IPO8: variants seen among roughly 807,000 people sequenced by gnomAD.
IPO8 encodes the protein importin-8.
A neutral mutation model predicts 141.2 loss-of-function variants in IPO8; 65 were observed. The observed-to-expected ratio is 0.46, with a 90% CI of 0.38 to 0.57. The LOEUF (loss-of-function observed/expected upper bound fraction) is 0.57, where lower values mean the gene tolerates loss of function less well. Ranked by LOEUF, IPO8 falls within the 20% of genes least tolerant of loss-of-function variation. The pLI, the probability that IPO8 is intolerant of heterozygous loss-of-function variation, is 0.00. For synonymous variants in IPO8, 411 were observed against 420.3 expected (o/e 0.98, Z 0.27); for missense variants, 980 against 1,246.8 (o/e 0.79, Z 3.22).
In IPO8 at chr12:30,695,417, C is replaced by T. The variant is rs2053329266; in HGVS notation, c.84+147G>A. The T allele has an allele frequency of 1.5e-6, 1 of 647,632 alleles. No homozygotes were observed. The highest frequency in any genetic ancestry group is 2.7e-6 in the Non-Finnish European group (1 of 369,186). The allele number at this position is 647,632 out of a possible 1,614,324, so 40.1% of individuals were successfully genotyped here. A position where few individuals can be genotyped will look rare whatever the true frequency, so the allele number is the denominator to read the frequency against. On this transcript the variant is annotated intron_variant, in intron 1 of 24. Coordinates refer to ENST00000256079, the MANE Select transcript of IPO8 (RefSeq NM_006390.4). The surrounding 1 kb of genome is among the most constrained non-coding windows in gnomAD (Gnocchi z 4.2). ...AGCCCTGCTCCACTGGACCGGGGGG[C>T]AGCGGGGTCGGAGAGCGGGACCAGC...
intron 24 of IPO8, among the ~76,000 whole-genome samples, chr12:30,631,392 C>A (rs766827530): frequency 4.1e-4 from 62 of 152,174 alleles, no homozygotes; most frequent in Non-Finnish European, 6.6e-4. Flanking sequence ...TTTCCAATGA[C>A]AATCTACAAG....
At chr12:30,638,747 A>ATTT (rs2052536077) in intron 21 of IPO8, among the ~76,000 whole-genome samples, 1 of 152,028 alleles carries the variant, frequency 6.6e-6, no homozygotes. Flanking sequence ...GCTCACTGCA[A>ATTT]GCTCCGCCTC....
chr12:30,669,397 G>A, intron 9 of IPO8, 115 bp from the exon 10 acceptor site: 1 of 512,054 alleles, frequency 2.0e-6, no homozygotes. Context: ...CAAACTCTGT[G>A]TGTGTGTAAA....
chr12:30,682,066 T>TA (rs1017811921), intron 3 of IPO8, among the ~76,000 whole-genome samples: 1 of 152,128 alleles, frequency 6.6e-6, no homozygotes, highest in Admixed American at 6.6e-5. Flanking sequence ...AAATACAGTT[T>TA]AAAAAAATTG....
At chr12:30,688,720 TA>T (rs1212742983) in intron 2 of IPO8, 1 of 167,594 alleles carries the variant, frequency 6.0e-6, no homozygotes, top group Non-Finnish European at 1.3e-5. Context: ...CATTAAGTTG[TA>T]CAGAGTTGGT....
intron 20 of IPO8, among the ~76,000 whole-genome samples, chr12:30,645,955 T>C (rs10771749): frequency 0.35 from 52,979 of 151,660 alleles, 10,873 homozygotes; most frequent in African/African-American, 0.57. Flanking sequence ...AGAAGAGCAA[T>C]TCTTCACAAC....
chr12:30,669,480 C>A (rs7955574), intron 9 of IPO8, among the ~76,000 whole-genome samples, 198 bp from the exon 10 acceptor site: 3,965 of 151,780 alleles, frequency 0.026, 165 homozygotes, highest in African/African-American at 0.09. Flanking sequence ...CATTTTAGTC[C>A]TAAATGTCCA....
intron 17 of IPO8, among the ~76,000 whole-genome samples, chr12:30,656,385 C>T (rs73077870): frequency 0.059 from 8,980 of 152,200 alleles, 353 homozygotes; most frequent in Middle Eastern, 0.12. Flanking sequence ...ATTTTTCAAT[C>T]CCAGATTAAG....
Position 30,656,672 on chromosome 12 carries a change from C to A in IPO8, c.1948+12G>T. The A allele has an allele frequency of 6.6e-7, 1 of 1,504,828 alleles. No individual in the cohort carries two copies. Among genetic ancestry groups the A allele is most frequent in the East Asian group, 2.4e-5 (1 of 41,714 alleles). 93.2% of individuals were successfully genotyped at this position (1,504,828 alleles called of 1,614,324 possible). ...TTTTCAATTTATCTTTTTATTTAAC[C>A]TTTGAACTTACCAATTACATGTTTC... On this transcript the variant is annotated intron_variant, in intron 17 of 24. Coordinates refer to ENST00000256079, the MANE Select transcript of IPO8 (RefSeq NM_006390.4).
At chr12:30,689,033 T>C (rs2053267853) in intron 2 of IPO8, among the ~76,000 whole-genome samples, 2 of 152,014 alleles carry the variant, frequency 1.3e-5, no homozygotes, top group African/African-American at 4.8e-5. Context: ...ACAGCTGTTA[T>C]AAAGAATGAA....
chr12:30,658,876 C>CTTT lies in IPO8; in HGVS notation c.1882-2129_1882-2127dup, dbSNP rs11337753. On this transcript the variant is annotated intron_variant, in intron 16 of 24. Transcript: ENST00000256079. ...AGACTAGTCCAGAAGAGTATCAAGCCTTTTTTTTTTTTTTTTTTTTTGGAG... is the reference window on the plus strand; with the variant it reads ...AGACTAGTCCAGAAGAGTATCAAGCCTTTTTTTTTTTTTTTTTTTTTTTTGGAG... 1.8e-3 allele frequency among the ~76,000 whole-genome samples: 159 copies of CTTT among 90,198 alleles called. 3 individuals are homozygous for CTTT. The highest frequency in any genetic ancestry group is 3.6e-3 in the African/African-American group (77 of 21,104). 59.2% of individuals were successfully genotyped at this position (90,198 alleles called of 152,430 possible).
chr12:30,680,410 C>A, intron 5 of IPO8, 72 bp downstream of exon 5: 1 of 1,181,864 alleles, frequency 8.5e-7, no homozygotes, highest in South Asian at 1.5e-5. Flanking sequence ...ATAAGTGACA[C>A]TTATTGAGCA....
At chr12:30,669,618 C>A (rs1352009027) in intron 9 of IPO8, among the ~76,000 whole-genome samples, 7 of 137,510 alleles carry the variant, frequency 5.1e-5, no homozygotes, top group Non-Finnish European at 9.4e-5. Flanking sequence ...TGTAGCGAGA[C>A]CCCATCTCCA....
At chr12:30,684,180 T>TAGA in intron 3 of IPO8, 121 bp downstream of exon 3, 2 of 791,330 alleles carry the variant, frequency 2.5e-6, no homozygotes, top group Non-Finnish European at 4.0e-6. Flanking sequence ...AGTGTCCCTC[T>TAGA]TTATTACTTT....
At chr12:30,671,744 T>C (rs1327416311) in intron 8 of IPO8, among the ~76,000 whole-genome samples, 2 of 144,192 alleles carry the variant, frequency 1.4e-5, no homozygotes, top group Non-Finnish European at 1.5e-5. Flanking sequence ...AAAACTTCCA[T>C]ACAACAAGAG....
At chr12:30,644,141 GA>G (rs1034597213) in intron 20 of IPO8, among the ~76,000 whole-genome samples, 1 of 152,162 alleles carries the variant, frequency 6.6e-6, no homozygotes, top group African/African-American at 2.4e-5. Context: ...GCTGAGGCAG[GA>G]GGATCACTTG....
At chr12:30,675,963 TTC>T (rs1461935304) in intron 6 of IPO8, among the ~76,000 whole-genome samples, 2 of 152,210 alleles carry the variant, frequency 1.3e-5, no homozygotes, top group African/African-American at 4.8e-5. Flanking sequence ...TACGTTTTTT[TTC>T]TTTTTTGAGA....
intron 2 of IPO8, among the ~76,000 whole-genome samples, chr12:30,689,473 T>C (rs1357172406): frequency 6.6e-6 from 1 of 152,102 alleles, no homozygotes; most frequent in Non-Finnish European, 1.5e-5. Context: ...AAGCAAAAAA[T>C]AATTCCAACA....
chr12:30,658,502 A>G (rs1419256134), intron 16 of IPO8, among the ~76,000 whole-genome samples: 2 of 152,272 alleles, frequency 1.3e-5, no homozygotes, highest in South Asian at 4.1e-4. Flanking sequence ...TGATAATCAC[A>G]ATAAGTTCAC....
Sources: allele counts gnomAD v4.1 joint callset (sites outside exome capture counted in the v4.1 genomes callset), GRCh38; gene constraint gnomAD v4.1.1; non-coding constraint Gnocchi (gnomAD v3.1); transcripts MANE v1.5; gene names NCBI Gene and HGNC (gene_info 2026-07-23, HGNC 2026-07-21).